CDH12: variants seen among roughly 807,000 people sequenced by gnomAD.
The protein encoded by CDH12 is cadherin-12.
CDH12 carries 41 observed loss-of-function variants against 74.1 expected under a neutral mutation model. The observed-to-expected ratio is 0.55, with a 90% CI of 0.43 to 0.72. The LOEUF is 0.72. Among genes scored for constraint, CDH12 ranks in the 30% least tolerant of loss-of-function variants. The pLI is 0.00. For missense variants in CDH12, 945 were observed against 977.2 expected, an observed-to-expected ratio of 0.97 and a Z score of 0.44; for synonymous variants, 399 against 355.0, an observed-to-expected ratio of 1.12 and a Z score of -1.39.
intron 6 of CDH12, chr5:21,883,956 C>T: frequency 1.9e-6 from 3 of 1,606,670 alleles, no homozygotes; most frequent in Non-Finnish European, 2.6e-6. Flanking sequence ...CTCATTGACT[C>T]CAGCTAATGA....
At chr5:22,190,354 GTCTGTCTATCTATCTATCTA>G (rs1180478280) in intron 4 of CDH12, among the ~76,000 whole-genome samples, 2 of 149,298 alleles carry the variant, frequency 1.3e-5, no homozygotes, top group South Asian at 2.2e-4. Context: ...CCATCTGTCT[GTCTGTCTATCTATCTATCTA>G]TCTATCTATC....
intron 1 of CDH12, among the ~76,000 whole-genome samples, chr5:22,534,032 A>C (rs572147042): frequency 6.6e-6 from 1 of 151,970 alleles, no homozygotes; most frequent in South Asian, 2.1e-4. Flanking sequence ...AAGACAATGA[A>C]AAAATTTTTA....
At chr5:22,482,068 C>T (rs1225138198) in intron 2 of CDH12, among the ~76,000 whole-genome samples, 1 of 152,118 alleles carries the variant, frequency 6.6e-6, no homozygotes, top group Non-Finnish European at 1.5e-5. Context: ...TCCATGTAAA[C>T]TTTCAAAACA....
intron 1 of CDH12, among the ~76,000 whole-genome samples, chr5:22,556,209 G>A (rs1738796743): frequency 1.3e-5 from 2 of 152,048 alleles, no homozygotes; most frequent in South Asian, 4.1e-4. Context: ...AGAAGGGGTA[G>A]TATATTAACA....
chr5:22,276,746 G>T (rs1401984434), intron 3 of CDH12, among the ~76,000 whole-genome samples: 1 of 152,080 alleles, frequency 6.6e-6, no homozygotes, highest in Non-Finnish European at 1.5e-5. Flanking sequence ...GAGCGCAGTG[G>T]CGCGATCTCA....
At chr5:22,467,504 C>T (rs536123691) in intron 2 of CDH12, among the ~76,000 whole-genome samples, 1 of 152,232 alleles carries the variant, frequency 6.6e-6, no homozygotes, top group South Asian at 2.1e-4. Flanking sequence ...TCACCTCTAC[C>T]TGCAATATAT....
chr5:22,042,133 A>C (rs1484348122), intron 5 of CDH12, among the ~76,000 whole-genome samples: 1 of 152,154 alleles, frequency 6.6e-6, no homozygotes, highest in African/African-American at 2.4e-5. Context: ...AATATACCAA[A>C]ACTTACAGGA....
chr5:22,700,349 T>C (rs1047189442), intron 1 of CDH12, among the ~76,000 whole-genome samples: 2 of 152,170 alleles, frequency 1.3e-5, no homozygotes, highest in South Asian at 4.1e-4. Context: ...TTCTGTCACA[T>C]CCTCATCACC....
At chr5:22,063,531 C>T (rs187171757) in intron 5 of CDH12, among the ~76,000 whole-genome samples, 99 of 152,148 alleles carry the variant, frequency 6.5e-4, no homozygotes, top group African/African-American at 2.1e-3. Context: ...AACATTACTT[C>T]CTTTGAGTCT....
chr5:21,920,688 A>C (rs555390545), intron 6 of CDH12, among the ~76,000 whole-genome samples: 3 of 150,004 alleles, frequency 2.0e-5, no homozygotes, highest in African/African-American at 7.3e-5. Context: ...TAATAATAAT[A>C]ATCTTCAAAG....
intron 1 of CDH12, among the ~76,000 whole-genome samples, chr5:22,717,664 T>A (rs1743649032): frequency 6.6e-6 from 1 of 151,964 alleles, no homozygotes; most frequent in African/African-American, 2.4e-5. Context: ...TCTTAAGGAG[T>A]TGTCTGTGTT....
At chr5:22,422,600 A>G (rs748608031) in intron 2 of CDH12, among the ~76,000 whole-genome samples, 7 of 152,172 alleles carry the variant, frequency 4.6e-5, no homozygotes, top group Admixed American at 2.0e-4. Context: ...GTATAATATT[A>G]CCATGGATCT....
chr5:22,182,724 T>G (rs1303654714), intron 4 of CDH12, among the ~76,000 whole-genome samples: 2 of 151,988 alleles, frequency 1.3e-5, no homozygotes, highest in Non-Finnish European at 2.9e-5. Context: ...GATGAGAAAG[T>G]GCAACTGAGA....
At chr5:22,007,198 T>A (rs569450062) in intron 5 of CDH12, among the ~76,000 whole-genome samples, 7 of 152,296 alleles carry the variant, frequency 4.6e-5, no homozygotes, top group Admixed American at 2.6e-4. Context: ...ATCCTGGACT[T>A]ATCTTCTCGT....
intron 4 of CDH12, among the ~76,000 whole-genome samples, chr5:22,153,891 T>TATGTATATATAC (rs1554015749): frequency 5.3e-4 from 17 of 32,062 alleles, no homozygotes. Flanking sequence ...TATATATAAA[T>TATGTATATATAC]ATATATATAT....
chr5:21,964,291 GT>G (rs1756489447), intron 6 of CDH12, among the ~76,000 whole-genome samples: 2 of 152,108 alleles, frequency 1.3e-5, no homozygotes, highest in South Asian at 4.1e-4. Context: ...CAATAATAAT[GT>G]TTCAATTATT....
chr5:21,901,280 A>G (rs937232823), intron 6 of CDH12, among the ~76,000 whole-genome samples: 1 of 152,166 alleles, frequency 6.6e-6, no homozygotes, highest in African/African-American at 2.4e-5. Context: ...TTATAGTCTA[A>G]TTCCAATCCT....
At chr5:21,863,013 G>T (rs183619520) in intron 6 of CDH12, among the ~76,000 whole-genome samples, 107 of 152,102 alleles carry the variant, frequency 7.0e-4, no homozygotes, top group Admixed American at 1.1e-3. Context: ...TACTTTCATT[G>T]ATTACAAAAA....
At chr5:22,408,823 C>A (rs12153745) in intron 2 of CDH12, among the ~76,000 whole-genome samples, 41,311 of 129,672 alleles carry the variant, frequency 0.32, 5,697 homozygotes, top group East Asian at 0.38. Flanking sequence ...TAAATCAATT[C>A]TTCTATCTTC....
Sources: gnomAD v4.1 joint callset for allele counts (sites outside exome capture counted in the v4.1 genomes callset) on GRCh38, gnomAD v4.1.1 for gene constraint, MANE v1.5 for transcripts, NCBI Gene and HGNC (gene_info 2026-07-23, HGNC 2026-07-21) for gene names.